The following XKR4 variants were observed in gnomAD, a reference collection of about 807,000 sequenced individuals.
The protein encoded by XKR4 is XK-related protein 4.
Under a neutral mutation model 53.9 loss-of-function variants are expected in XKR4, and 12 were observed. The ratio of observed to expected loss-of-function variants is 0.22; its 90% confidence interval spans 0.14 to 0.36. The LOEUF (loss-of-function observed/expected upper bound fraction) is 0.36. Among genes scored for constraint, XKR4 ranks in the 10% least tolerant of loss-of-function variants. The pLI, the probability that XKR4 is intolerant of heterozygous loss-of-function variation, is 1.00. For missense variants in XKR4, 799 were observed against 859.5 expected, an observed-to-expected ratio of 0.93 and a Z score of 0.88; for synonymous variants, 354 against 362.4, an observed-to-expected ratio of 0.98 and a Z score of 0.26.
chr8:55,412,010 C>G (rs1244372087), intron 2 of XKR4, among the ~76,000 whole-genome samples: 2 of 152,204 alleles, frequency 1.3e-5, no homozygotes, highest in Admixed American at 1.3e-4. Context: ...CATTATGCCA[C>G]TTTTTAACCT....
chr8:55,314,695 C>A (rs368209299), intron 1 of XKR4, among the ~76,000 whole-genome samples: 1 of 152,146 alleles, frequency 6.6e-6, no homozygotes, highest in Admixed American at 6.5e-5. Context: ...AGAAAGAATG[C>A]GTGTGCACAT....
chr8:55,425,341 C>T (rs1170228751), intron 2 of XKR4, among the ~76,000 whole-genome samples: 4 of 152,130 alleles, frequency 2.6e-5, no homozygotes, highest in Non-Finnish European at 4.4e-5. Context: ...GGCCCCTCAC[C>T]GTTTGGGAAT....
rs545924110 is a variant in XKR4, at chr8:55,370,959, C to G, written c.1006+13082C>G. ...AGGCAAGACAGATACAAAGACACAG[C>G]CCCCTGCTCTCCAAAATTTCAGTCT... On this transcript the variant is annotated intron_variant, in intron 2 of 2. Coordinates refer to ENST00000327381, the MANE Select transcript of XKR4 (RefSeq NM_052898.2). Among the ~76,000 whole-genome samples the G allele has an allele frequency of 5.3e-5, 8 of 151,966 alleles. No homozygotes were observed. In the East Asian group the frequency reaches 1.4e-3, roughly 26 times the overall value.
At chr8:55,269,808 A>T (rs1488595627) in intron 1 of XKR4, among the ~76,000 whole-genome samples, 1 of 152,062 alleles carries the variant, frequency 6.6e-6, no homozygotes, top group African/African-American at 2.4e-5. Flanking sequence ...CACTGGGGAG[A>T]TTTGTATCTT....
intron 2 of XKR4, among the ~76,000 whole-genome samples, chr8:55,372,859 T>C (rs1342285227): frequency 6.6e-6 from 1 of 152,142 alleles, no homozygotes; most frequent in East Asian, 1.9e-4. Flanking sequence ...AGGGTACTGC[T>C]CATACACAGG....
chr8:55,200,280 C>A (rs561026380), intron 1 of XKR4, among the ~76,000 whole-genome samples: 16 of 152,128 alleles, frequency 1.1e-4, no homozygotes, highest in Non-Finnish European at 1.9e-4. Flanking sequence ...GTTGGCCAGG[C>A]TGTCCTTGAA....
At chr8:55,451,618 C>G (rs576956366) in intron 2 of XKR4, 74 of 1,511,474 alleles carry the variant, frequency 4.9e-5, no homozygotes, top group Non-Finnish European at 9.9e-6. Context: ...GCGGTTCTGG[C>G]GGTAGCAGTA....
chr8:55,337,993 C>T (rs757197484), intron 1 of XKR4, among the ~76,000 whole-genome samples: 1 of 152,104 alleles, frequency 6.6e-6, no homozygotes, highest in African/African-American at 2.4e-5. Context: ...TGTCTCTTGC[C>T]TAAGCTGACT....
intron 1 of XKR4, among the ~76,000 whole-genome samples, chr8:55,345,906 T>C (rs955872908): frequency 3.7e-4 from 56 of 152,014 alleles, no homozygotes; most frequent in African/African-American, 1.3e-3. Context: ...GGTTATCCAA[T>C]TCATTCACTT....
intron 1 of XKR4, among the ~76,000 whole-genome samples, chr8:55,335,322 G>A (rs1341749166): frequency 3.9e-5 from 6 of 152,080 alleles, no homozygotes; most frequent in Non-Finnish European, 1.5e-5. Flanking sequence ...TTGAAGTAGA[G>A]AGCTTCTTTG....
At chr8:55,429,583 C>A (rs1416406990) in intron 2 of XKR4, among the ~76,000 whole-genome samples, 1 of 151,792 alleles carries the variant, frequency 6.6e-6, no homozygotes, top group Non-Finnish European at 1.5e-5. Flanking sequence ...GGTGTGGTGA[C>A]ATGCACCTGT....
chr8:55,295,972 G>C (rs1819095859), intron 1 of XKR4, among the ~76,000 whole-genome samples: 1 of 152,192 alleles, frequency 6.6e-6, no homozygotes, highest in Non-Finnish European at 1.5e-5. Flanking sequence ...CAGTTCACCT[G>C]TTGTAGCAGA....
intron 1 of XKR4, among the ~76,000 whole-genome samples, chr8:55,130,833 G>A (rs1334735887): frequency 4.6e-5 from 7 of 152,026 alleles, no homozygotes; most frequent in Non-Finnish European, 8.8e-5. Context: ...GACCTTTCAC[G>A]GCCTTGCTAC....
chr8:55,177,312 C>T (rs1817248734), intron 1 of XKR4, among the ~76,000 whole-genome samples: 2 of 152,192 alleles, frequency 1.3e-5, no homozygotes, highest in African/African-American at 4.8e-5. Context: ...GCTGGGATTA[C>T]AGGCGTGAGC....
chr8:55,194,530 G>T (rs1214656480), intron 1 of XKR4, among the ~76,000 whole-genome samples: 2 of 152,186 alleles, frequency 1.3e-5, no homozygotes, highest in Admixed American at 1.3e-4. Flanking sequence ...ACACTTTAAG[G>T]CAGCGGTCTT....
chr8:55,211,336 T>TC (rs1391386985), intron 1 of XKR4, among the ~76,000 whole-genome samples: 1 of 152,172 alleles, frequency 6.6e-6, no homozygotes. Context: ...AATTTCATTG[T>TC]CCCCCCTTTA....
chr8:55,172,762 T>A (rs1817180338), intron 1 of XKR4, among the ~76,000 whole-genome samples: 1 of 152,222 alleles, frequency 6.6e-6, no homozygotes, highest in African/African-American at 2.4e-5. Context: ...CATGACACAT[T>A]TTCAGATGTC....
intron 1 of XKR4, among the ~76,000 whole-genome samples, chr8:55,213,136 A>T (rs1817752099): frequency 6.6e-6 from 1 of 152,196 alleles, no homozygotes; most frequent in Admixed American, 6.5e-5. Context: ...CTGAGAATGC[A>T]GCTAAGCAAG....
chr8:55,182,773 C>T, intron 1 of XKR4, among the ~76,000 whole-genome samples: 1 of 151,934 alleles, frequency 6.6e-6, no homozygotes, highest in East Asian at 1.9e-4. Flanking sequence ...CTTGACTATG[C>T]TAGACCTTTT....
Sources: allele counts gnomAD v4.1 joint callset (sites outside exome capture counted in the v4.1 genomes callset), GRCh38; gene constraint gnomAD v4.1.1; transcripts MANE v1.5; gene names NCBI Gene and HGNC (gene_info 2026-07-23, HGNC 2026-07-21).